Variants in DCC observed in about 807,000 individuals in gnomAD.
The protein encoded by DCC is DCC netrin 1 receptor.
Under a neutral mutation model 172.5 loss-of-function variants are expected in DCC, and 58 were observed. The observed-to-expected ratio is 0.34, with a 90% CI of 0.27 to 0.42. The LOEUF is 0.42. DCC is among the 10% of genes least tolerant of loss of function. DCC has a pLI of 1.00. For missense variants in DCC, 1,740 were observed against 1,791.0 expected (o/e 0.97, Z 0.51); for synonymous variants, 709 against 644.5 (o/e 1.10, Z -1.52).
intron 1 of DCC, among the ~76,000 whole-genome samples, chr18:52,681,886 G>A (rs941770409): frequency 1.6e-5 from 2 of 127,888 alleles, no homozygotes; most frequent in Non-Finnish European, 1.8e-5. Flanking sequence ...TCTAAATAGA[G>A]TTCTTCCCTT....
chr18:53,325,657 T>A (rs1180173522), intron 14 of DCC, among the ~76,000 whole-genome samples: 1 of 152,226 alleles, frequency 6.6e-6, no homozygotes, highest in East Asian at 1.9e-4. Context: ...TCTTAATAAA[T>A]GCTTTTAATT....
intron 1 of DCC, among the ~76,000 whole-genome samples, chr18:52,644,079 A>G (rs2034963303): frequency 6.6e-6 from 1 of 152,100 alleles, no homozygotes; most frequent in African/African-American, 2.4e-5. Context: ...GACATAGTGT[A>G]TTGTGTGTTT....
At chr18:53,179,195 C>G (rs1242819472) in intron 9 of DCC, 79 bp downstream of exon 9, 1 of 1,409,078 alleles carries the variant, frequency 7.1e-7, no homozygotes, top group Admixed American at 1.9e-5. Flanking sequence ...TTCACAGAAC[C>G]TTTGCGAAGT....
intron 1 of DCC, among the ~76,000 whole-genome samples, chr18:52,600,446 CCTAA>C (rs1378876524): frequency 1.3e-5 from 2 of 152,114 alleles, no homozygotes. Context: ...AGAAAACACA[CCTAA>C]CTTATTTTTT....
chr18:52,719,758 G>A lies in DCC; in HGVS notation c.92-32296G>A, dbSNP rs532455647. ...AAATCATATTTAAGCTGAAACCAGA[G>A]GATGAGTAGGAGTTAGCCAGGTACC... On this transcript the variant is annotated intron_variant, in intron 1 of 28. Coordinates refer to ENST00000442544, the MANE Select transcript of DCC (RefSeq NM_005215.4). Among the ~76,000 whole-genome samples, 3 of 152,300 alleles carry A rather than the reference G, an allele frequency of 2.0e-5. No homozygotes were observed. The South Asian group carries it at 6.2e-4, about 32-fold the overall frequency.
At chr18:53,398,493 C>A (rs1221965125) in intron 18 of DCC, among the ~76,000 whole-genome samples, 1 of 152,034 alleles carries the variant, frequency 6.6e-6, no homozygotes, top group East Asian at 1.9e-4. Context: ...GTTAATAAGA[C>A]CAGCCGGATG....
At chr18:52,568,065 TTAAC>T (rs1486270820) in intron 1 of DCC, among the ~76,000 whole-genome samples, 2 of 152,282 alleles carry the variant, frequency 1.3e-5, no homozygotes, top group Admixed American at 6.5e-5. Context: ...TGACAGTTCT[TTAAC>T]TGGTTTAGTA....
chr18:53,207,930 T>A (rs2055679057), intron 11 of DCC, 113 bp downstream of exon 11: 1 of 945,200 alleles, frequency 1.1e-6, no homozygotes, highest in Admixed American at 1.7e-5. Flanking sequence ...TGACTAAAAT[T>A]TTATGGACTA....
intron 5 of DCC, among the ~76,000 whole-genome samples, chr18:52,977,313 TA>T (rs2041134768): frequency 6.6e-6 from 1 of 152,138 alleles, no homozygotes; most frequent in Non-Finnish European, 1.5e-5. Flanking sequence ...TGGGGAGCTC[TA>T]AAAATATACC....
chr18:53,116,275 T>C (rs2043407662), intron 7 of DCC, among the ~76,000 whole-genome samples: 1 of 151,732 alleles, frequency 6.6e-6, no homozygotes, highest in Non-Finnish European at 1.5e-5. Flanking sequence ...GCATAGGAGC[T>C]CAAAAAGCTC....
chr18:52,463,194 T>C (rs75451333), intron 1 of DCC, among the ~76,000 whole-genome samples: 1 of 152,300 alleles, frequency 6.6e-6, no homozygotes, highest in East Asian at 1.9e-4. Flanking sequence ...CAAGGTTTGG[T>C]TTCTTGCTCG....
chr18:53,228,488 A>C (rs1166886582), intron 12 of DCC, among the ~76,000 whole-genome samples: 1 of 152,102 alleles, frequency 6.6e-6, no homozygotes, highest in Admixed American at 6.6e-5. Context: ...TCAGCCAAAA[A>C]ACCTCAGCAC....
At position 53,182,792 on chromosome 18, in the gene DCC, C is replaced by T. The variant is rs369484720; in HGVS notation, c.1573+3676C>T. Among the ~76,000 whole-genome samples the T allele has an allele frequency of 1.1e-3, 172 of 152,158 alleles. 1 individual carries two copies. The highest frequency in any genetic ancestry group is 4.0e-3 in the African/African-American group (167 of 41,536). On this transcript the variant is annotated intron_variant, in intron 9 of 28. Coordinates refer to ENST00000442544, the MANE Select transcript of DCC (RefSeq NM_005215.4). The stretch of plus-strand genomic sequence containing the variant: ...TACCAGAGATCCTATGGTTCCTTTC[C>T]TTTCCTTTCCCATTCCTTCCTCCCT...
At chr18:52,638,071 A>G (rs2034816440) in intron 1 of DCC, among the ~76,000 whole-genome samples, 1 of 152,212 alleles carries the variant, frequency 6.6e-6, no homozygotes, top group Non-Finnish European at 1.5e-5. Flanking sequence ...GAAACTAAGC[A>G]TCATATATGA....
chr18:52,443,244 A>G (rs890798639), intron 1 of DCC, among the ~76,000 whole-genome samples: 1 of 152,156 alleles, frequency 6.6e-6, no homozygotes, highest in Non-Finnish European at 1.5e-5. Context: ...GGATGTGCCC[A>G]ATAATTATTC....
intron 2 of DCC, among the ~76,000 whole-genome samples, chr18:52,846,176 G>C (rs953627556): frequency 2.0e-5 from 3 of 152,140 alleles, no homozygotes; most frequent in Non-Finnish European, 4.4e-5. Flanking sequence ...GAAAAGTACC[G>C]TTAAATTTCT....
intron 1 of DCC, among the ~76,000 whole-genome samples, chr18:52,371,158 A>T (rs114657969): frequency 0.39 from 46,446 of 118,168 alleles, 7,582 homozygotes; most frequent in East Asian, 0.65. Flanking sequence ...GGCTGATTTA[A>T]AAAAAAAAAT....
At chr18:52,892,074 T>C (rs1342043735) in intron 2 of DCC, among the ~76,000 whole-genome samples, 1 of 152,140 alleles carries the variant, frequency 6.6e-6, no homozygotes, top group East Asian at 1.9e-4. Flanking sequence ...CCCAGGTTAA[T>C]CTTTTGCCAT....
chr18:53,188,167 CCAACCATTG>C (rs1387943926), intron 9 of DCC, among the ~76,000 whole-genome samples: 1 of 152,112 alleles, frequency 6.6e-6, no homozygotes, highest in Non-Finnish European at 1.5e-5. Context: ...ATAGTAGATT[CCAACCATTG>C]AAATGTGCAA....
Sources: gnomAD v4.1 joint callset for allele counts (sites outside exome capture counted in the v4.1 genomes callset) on GRCh38, gnomAD v4.1.1 for gene constraint, MANE v1.5 for transcripts, NCBI Gene and HGNC (gene_info 2026-07-23, HGNC 2026-07-21) for gene names.